The following MCOLN2 variants were observed in gnomAD, a reference collection of about 807,000 sequenced individuals.
The protein encoded by MCOLN2 is mucolipin-2.
In MCOLN2, 57 loss-of-function variants were observed where a neutral mutation model predicts 67.5. The ratio of observed to expected loss-of-function variants is 0.84; its 90% CI spans 0.68 to 1.05. The LOEUF (loss-of-function observed/expected upper bound fraction) is 1.05, where lower values mean the gene tolerates loss of function less well. Among genes scored for constraint, MCOLN2 ranks in the 50% least tolerant of loss-of-function variants. The probability of loss-of-function intolerance (pLI) is 0.00; values close to 1 mark genes in which losing one functional copy is unlikely to be tolerated. For missense variants in MCOLN2, 620 were observed against 678.8 expected (o/e 0.91, Z 0.96); for synonymous variants, 246 against 233.3 (o/e 1.05, Z -0.50).
chr1:84,934,735 T>C (rs1174760202), intron 11 of MCOLN2, among the ~76,000 whole-genome samples: 1 of 152,206 alleles, frequency 6.6e-6, no homozygotes, highest in East Asian at 1.9e-4. Flanking sequence ...GAGTAATGTT[T>C]AATAATTCAA....
chr1:84,970,320 ACGAAGAAGTTGTTTTCT>A (rs1649607634), intron 1 of MCOLN2, among the ~76,000 whole-genome samples: 1 of 147,134 alleles, frequency 6.8e-6, no homozygotes, highest in African/African-American at 2.5e-5. Flanking sequence ...GAACTGAAGG[ACGAAGAAGTTGTTTTCT>A]CGAAACAGTG....
chr1:84,977,865 T>G (rs1209840292), intron 1 of MCOLN2, among the ~76,000 whole-genome samples: 8 of 152,158 alleles, frequency 5.3e-5, no homozygotes, highest in Non-Finnish European at 1.0e-4. Flanking sequence ...AATACTGGAC[T>G]TAATCTGCAC....
chr1:84,987,610 C>G (rs12125153), intron 1 of MCOLN2, among the ~76,000 whole-genome samples: 27 of 82,762 alleles, frequency 3.3e-4, no homozygotes, highest in Admixed American at 2.7e-4. Context: ...AGATGTATAT[C>G]AATCTATATA....
At chr1:84,927,489 A>T (rs17117499) in intron 13 of MCOLN2, among the ~76,000 whole-genome samples, 7,847 of 152,254 alleles carry the variant, frequency 0.052, 230 homozygotes, top group Middle Eastern at 0.1. Context: ...AGGTCACAGG[A>T]CACACTTGGT....
chr1:84,926,869 G>A, intron 13 of MCOLN2, 148 bp from the exon 14 acceptor site: 1 of 459,102 alleles, frequency 2.2e-6, no homozygotes, highest in Non-Finnish European at 3.7e-6. Flanking sequence ...AGACAGGCAA[G>A]GTATTCTGAT....
At chr1:84,934,641 T>C (rs1472994950) in intron 11 of MCOLN2, among the ~76,000 whole-genome samples, 2 of 152,214 alleles carry the variant, frequency 1.3e-5, no homozygotes, top group African/African-American at 4.8e-5. Context: ...CTTGGTCTTC[T>C]CATTTGTAAA....
At chr1:84,964,177 A>G (rs1649248762) in intron 2 of MCOLN2, among the ~76,000 whole-genome samples, 1 of 152,210 alleles carries the variant, frequency 6.6e-6, no homozygotes, top group Non-Finnish European at 1.5e-5. Context: ...TTTTGAAGTA[A>G]CTTGCTTTCC....
intron 1 of MCOLN2, among the ~76,000 whole-genome samples, chr1:84,978,944 A>T (rs939578121): frequency 6.6e-6 from 1 of 152,176 alleles, no homozygotes; most frequent in Admixed American, 6.5e-5. Context: ...AAAACTGAAG[A>T]ACTTGGAGTC....
intron 11 of MCOLN2, among the ~76,000 whole-genome samples, chr1:84,931,979 C>T (rs1449823925): frequency 4.0e-5 from 6 of 151,754 alleles, no homozygotes. Context: ...AGCCAAGCTT[C>T]TGCCACTGCA....
chr1:84,947,306 CCA>C (rs59818609), intron 6 of MCOLN2, among the ~76,000 whole-genome samples, 174 bp from the exon 7 acceptor site: 3,951 of 140,428 alleles, frequency 0.028, 174 homozygotes, highest in African/African-American at 0.11. Flanking sequence ...GCACCCCCCA[CCA>C]CACACACACA....
intron 1 of MCOLN2, among the ~76,000 whole-genome samples, chr1:84,974,031 C>T (rs1393531634): frequency 3.3e-5 from 5 of 152,194 alleles, no homozygotes; most frequent in East Asian, 1.9e-4. Flanking sequence ...CGGTTCTGCC[C>T]GGTTAGAGCA....
intron 1 of MCOLN2, among the ~76,000 whole-genome samples, chr1:84,975,094 G>C (rs1379908331): frequency 6.6e-6 from 1 of 152,228 alleles, no homozygotes; most frequent in African/African-American, 2.4e-5. Context: ...TCTGGACCCA[G>C]GAGGGTCCTG....
intron 11 of MCOLN2, among the ~76,000 whole-genome samples, chr1:84,936,273 A>G (rs1003553507): frequency 1.3e-5 from 2 of 152,184 alleles, no homozygotes; most frequent in Non-Finnish European, 2.9e-5. Flanking sequence ...AGCACCTTCC[A>G]GAATAATGAT....
At chr1:84,942,243 T>C (rs1647829399) in intron 7 of MCOLN2, among the ~76,000 whole-genome samples, 3 of 152,218 alleles carry the variant, frequency 2.0e-5, no homozygotes, top group African/African-American at 7.2e-5. Context: ...GCTCCTTTAC[T>C]TTCCTCTGCA....
At chr1:84,956,335 A>G in intron 4 of MCOLN2, 96 bp downstream of exon 4, 2 of 1,304,248 alleles carry the variant, frequency 1.5e-6, no homozygotes, top group Non-Finnish European at 2.2e-6. Flanking sequence ...CTCTCACCAA[A>G]GCAAAGTTTT....
chr1:84,963,345 A>G (rs530461303), intron 2 of MCOLN2, among the ~76,000 whole-genome samples: 2 of 152,216 alleles, frequency 1.3e-5, no homozygotes, highest in Non-Finnish European at 2.9e-5. Context: ...AAGGCCCACA[A>G]TATGAGATGC....
chr1:84,969,156 G>A (rs563569981), intron 1 of MCOLN2, among the ~76,000 whole-genome samples: 12 of 152,302 alleles, frequency 7.9e-5, no homozygotes, highest in African/African-American at 2.2e-4. Context: ...TGTATCCCTT[G>A]TAACAACCTT....
chr1:84,941,049 A>G, intron 7 of MCOLN2, 58 bp from the exon 8 acceptor site: 3 of 1,113,494 alleles, frequency 2.7e-6, no homozygotes, highest in South Asian at 1.4e-5. Flanking sequence ...ATAATTTCCA[A>G]ACAAAATGGC....
chr1:84,965,807 A>C, intron 1 of MCOLN2, 99 bp from the exon 2 acceptor site: 1 of 998,374 alleles, frequency 1.0e-6, no homozygotes. Flanking sequence ...TACATATGGC[A>C]TGTCATATAC....
Sources: gnomAD v4.1 joint callset for allele counts (sites outside exome capture counted in the v4.1 genomes callset) on GRCh38, gnomAD v4.1.1 for gene constraint, MANE v1.5 for transcripts, NCBI Gene and HGNC (gene_info 2026-07-23, HGNC 2026-07-21) for gene names.